SSB: variants seen among roughly 807,000 people sequenced by gnomAD.
The protein encoded by SSB is small RNA binding exonuclease protection factor La.
A neutral mutation model predicts 52.9 loss-of-function variants in SSB; 17 were observed. That is an observed-to-expected ratio of 0.32 (90% CI 0.22 to 0.48). SSB has a LOEUF of 0.48. Ranked by LOEUF, SSB falls within the 20% of genes least tolerant of loss-of-function variation. The pLI is 0.99. For missense variants in SSB, 314 were observed against 463.6 expected, an observed-to-expected ratio of 0.68 and a Z score of 2.96; for synonymous variants, 111 against 152.1, an observed-to-expected ratio of 0.73 and a Z score of 1.99.
chr2:169,810,147 C>G, intron 8 of SSB, 136 bp from the exon 9 acceptor site: 1 of 452,286 alleles, frequency 2.2e-6, no homozygotes, highest in Non-Finnish European at 3.8e-6. Context: ...CTCTTGCTGC[C>G]CCGGCGGAAG....
chr2:169,806,016 G>A (rs1367185020), intron 4 of SSB, 177 bp downstream of exon 4: 5 of 716,724 alleles, frequency 7.0e-6, no homozygotes, highest in East Asian at 6.0e-5. Flanking sequence ...TGTTGCTCAC[G>A]TTGGAGTGCA....
intron 4 of SSB, 106 bp from the exon 5 acceptor site, chr2:169,806,679 G>C (rs1689835549): frequency 1.2e-6 from 1 of 840,218 alleles, no homozygotes; most frequent in Middle Eastern, 2.3e-4. Flanking sequence ...GAGATAGATA[G>C]GTATATCCTG....
In SSB at chr2:169,807,737, C is replaced by CTTTTTTTTTT. The variant is rs55845251; in HGVS notation, c.554+680_554+689dup. Among the ~76,000 whole-genome samples, 38 of 74,016 alleles carry CTTTTTTTTTT rather than the reference C, an allele frequency of 5.1e-4. 1 individual carries two copies. Among genetic ancestry groups the CTTTTTTTTTT allele is most frequent in the Non-Finnish European group, 6.1e-4 (25 of 41,058 alleles). 48.6% of individuals were successfully genotyped at this position (74,016 alleles called of 152,430 possible). Reference sequence around the variant, plus strand: ...ATCTTATTTTTCATAGCCTATATGTCTTTTTTTTTTTTTTTTTTTTTTTAC... The same window carrying CTTTTTTTTTT: ...ATCTTATTTTTCATAGCCTATATGTCTTTTTTTTTTTTTTTTTTTTTTTTTTTTTTTTTAC... On this transcript the variant is annotated intron_variant, in intron 6 of 11. Coordinates refer to ENST00000260956, the MANE Select transcript of SSB (RefSeq NM_003142.5).
At chr2:169,807,433 C>T (rs1054756882) in intron 6 of SSB, among the ~76,000 whole-genome samples, 1 of 151,990 alleles carries the variant, frequency 6.6e-6, no homozygotes, top group Admixed American at 6.6e-5. Context: ...GGACTACAGG[C>T]GCGTGCCACC....
chr2:169,806,002 A>G (rs1489022907), intron 4 of SSB, 163 bp downstream of exon 4: 1 of 797,238 alleles, frequency 1.3e-6, no homozygotes, highest in Non-Finnish European at 2.1e-6. Context: ...AGACAGTCTC[A>G]TCCTGTTGCT....
chr2:169,803,358 A>G lies in SSB; in HGVS notation c.67-2116A>G, dbSNP rs529584646. ...TGGCTCACCACAACCTCCACCTTCCAGGTTCCTCAGCTTCCCAAGTAGCTA... is the reference window on the plus strand; with the variant it reads ...TGGCTCACCACAACCTCCACCTTCCGGGTTCCTCAGCTTCCCAAGTAGCTA... On this transcript the variant is annotated intron_variant, in intron 2 of 11. Transcript: ENST00000260956. 1.8e-4 allele frequency among the ~76,000 whole-genome samples: 27 copies of G among 152,026 alleles called. No individual in the cohort carries two copies. In the East Asian group the frequency reaches 5.0e-3, roughly 28 times the overall value.
chr2:169,803,010 G>A (rs2105697853), intron 2 of SSB, among the ~76,000 whole-genome samples: 1 of 152,136 alleles, frequency 6.6e-6, no homozygotes, highest in South Asian at 2.1e-4. Context: ...TTTCTTCAAG[G>A]AAAATTCTTA....
At position 169,808,757 on chromosome 2, in the gene SSB, T is replaced by A. The variant is rs1170345025; in HGVS notation, c.627-103T>A. ...TCAAAAAAACCTAAGGACTTCTGGC[T>A]TTGGTTAAGTAAGTTTAGTGATCAT... On this transcript the variant is annotated intron_variant, in intron 7 of 11. Transcript: ENST00000260956. The A allele has an allele frequency of 9.7e-6, 11 of 1,128,910 alleles. No homozygotes were observed. The East Asian group carries it at 2.8e-4, about 29-fold the overall frequency. The allele number at this position is 1,128,910 out of a possible 1,614,324, so 69.9% of individuals were successfully genotyped here.
At chr2:169,810,702 CT>C (rs1689931831) in intron 9 of SSB, 155 bp from the exon 10 acceptor site, 1 of 753,406 alleles carries the variant, frequency 1.3e-6, no homozygotes, top group South Asian at 2.0e-5. Flanking sequence ...TGCAGTTTTA[CT>C]TCTGTAGCAT....
intron 7 of SSB, 76 bp from the exon 8 acceptor site, chr2:169,808,784 A>G: frequency 8.0e-7 from 1 of 1,257,442 alleles, no homozygotes; most frequent in Non-Finnish European, 1.1e-6. Context: ...AGTGATCATG[A>G]TTGGTTAACT....
intron 11 of SSB, 139 bp downstream of exon 11, chr2:169,811,462 C>T (rs1026134321): frequency 2.2e-5 from 28 of 1,286,554 alleles, no homozygotes; most frequent in Admixed American, 1.2e-4. Context: ...CGATTTACCT[C>T]GGTTATGCTG....
At chr2:169,809,018 T>C in intron 8 of SSB, 116 bp downstream of exon 8, 2 of 811,078 alleles carry the variant, frequency 2.5e-6, no homozygotes, top group South Asian at 1.4e-5. Context: ...TAGTTGTTAT[T>C]GCATTAAGTA....
Position 169,800,953 on chromosome 2 carries a change from T to C in SSB, c.-8T>C. The C allele has an allele frequency of 6.3e-7, 1 of 1,577,698 alleles. No homozygotes were observed. The highest frequency in any genetic ancestry group is 8.6e-7 in the Non-Finnish European group (1 of 1,167,504). On this transcript the variant is annotated splice_region_variant and 5_prime_UTR_variant, in exon 2 of 12. Coordinates refer to ENST00000260956, the MANE Select transcript of SSB (RefSeq NM_003142.5). Reference sequence around the variant, plus strand: ...ATGCTAATTTGGGAAATTTTACAGATAGCCGCAATGGCTGAAAATGGTGAT... The same window carrying C: ...ATGCTAATTTGGGAAATTTTACAGACAGCCGCAATGGCTGAAAATGGTGAT...
chr2:169,804,759 T>A (rs1264765991), intron 2 of SSB, among the ~76,000 whole-genome samples: 1 of 151,848 alleles, frequency 6.6e-6, no homozygotes, highest in Non-Finnish European at 1.5e-5. Context: ...TCGGCCAGGG[T>A]GGTCTCAATC....
Position 169,810,844 on chromosome 2 carries a change from T to C in SSB, c.811-14T>C, listed in dbSNP as rs1332036942. The C allele has an allele frequency of 2.5e-6, 4 of 1,573,820 alleles. No homozygotes were observed. The highest frequency in any genetic ancestry group is 3.4e-6 in the Non-Finnish European group (4 of 1,167,052). ...AACCAAGGGTATGGCTTTTGTTTTC[T>C]GTCTCTGGTATAGGGGATAATTCTA... On this transcript the variant is annotated splice_polypyrimidine_tract_variant and intron_variant, in intron 9 of 11. Transcript: ENST00000260956.
rs375514455 is a variant in SSB, at chr2:169,811,777, T to G, written c.*21T>G. ...AGTAGTTTAGTAAACCAATTTTTTA[T>G]TCATTTTAAATAGGTTTTAAACGAC... On this transcript the variant is annotated 3_prime_UTR_variant, in exon 12 of 12. Coordinates refer to ENST00000260956, the MANE Select transcript of SSB (RefSeq NM_003142.5). The G allele has an allele frequency of 6.2e-6, 10 of 1,613,022 alleles. No homozygotes were observed. In the African/African-American group the frequency reaches 1.3e-4, roughly 22 times the overall value.
At chr2:169,805,906 G>C in intron 4 of SSB, 67 bp downstream of exon 4, 1 of 1,434,832 alleles carries the variant, frequency 7.0e-7, no homozygotes, top group Non-Finnish European at 9.6e-7. Context: ...GGAAGAATAA[G>C]GGCTCAGGAA....
chr2:169,800,443 G>A (rs1230424314), intron 1 of SSB, among the ~76,000 whole-genome samples: 1 of 150,002 alleles, frequency 6.7e-6, no homozygotes, highest in African/African-American at 2.5e-5. Context: ...AGGCGAAGGC[G>A]GAATCGCTGG....
At chr2:169,801,624 C>T (rs562561946) in intron 2 of SSB, among the ~76,000 whole-genome samples, 14 of 150,080 alleles carry the variant, frequency 9.3e-5, no homozygotes, top group African/African-American at 3.4e-4. Context: ...GCCTCTGCCT[C>T]CTGGGTTCAA....
Sources: gnomAD v4.1 joint callset for allele counts (sites outside exome capture counted in the v4.1 genomes callset) on GRCh38, gnomAD v4.1.1 for gene constraint, MANE v1.5 for transcripts, NCBI Gene and HGNC (gene_info 2026-07-23, HGNC 2026-07-21) for gene names.